The following PACS1 variants were observed in gnomAD, a reference collection of about 807,000 sequenced individuals.
PACS1 encodes the protein PACS-1.
In PACS1, 24 loss-of-function variants were observed where a neutral mutation model predicts 115.0. The observed-to-expected ratio is 0.21, with a 90% CI of 0.15 to 0.29. PACS1 has a LOEUF of 0.29. Among genes scored for constraint, PACS1 ranks in the 10% least tolerant of loss-of-function variants. The pLI, the probability that PACS1 is intolerant of heterozygous loss-of-function variation, is 1.00. For missense variants in PACS1, 838 were observed against 1,251.2 expected (o/e 0.67, Z 4.98); for synonymous variants, 453 against 504.5 (o/e 0.90, Z 1.37).
chr11:66,225,285 A>G (rs1337728686), intron 10 of PACS1, among the ~76,000 whole-genome samples: 2 of 152,186 alleles, frequency 1.3e-5, no homozygotes, highest in Non-Finnish European at 2.9e-5. Context: ...TGGGACCTCT[A>G]GTGATACCTC....
In PACS1 at chr11:66,244,574, T is replaced by A. The variant is rs1855883372; in HGVS notation, c.*1294T>A. 6.6e-6 allele frequency: 1 copy of A among 152,392 alleles called. No individual in the cohort carries two copies. Among genetic ancestry groups the A allele is most frequent in the East Asian group, 1.9e-4 (1 of 5,198 alleles). The allele number at this position is 152,392 out of a possible 1,614,324, so 9.4% of individuals were successfully genotyped here. On this transcript the variant is annotated 3_prime_UTR_variant, in exon 24 of 24. Coordinates refer to ENST00000320580, the MANE Select transcript of PACS1 (RefSeq NM_018026.4). ...GAAGTTTTTGCACAGAACTTCATTTTGAAAGTGTTTTTCTCATTCTCCATA... is the reference window on the plus strand; with the variant it reads ...GAAGTTTTTGCACAGAACTTCATTTAGAAAGTGTTTTTCTCATTCTCCATA...
At chr11:66,163,860 T>C (rs1859542773) in intron 1 of PACS1, among the ~76,000 whole-genome samples, 1 of 152,210 alleles carries the variant, frequency 6.6e-6, no homozygotes, top group Non-Finnish European at 1.5e-5. Flanking sequence ...CAGCTGATTA[T>C]ACAATGCTTT....
chr11:66,212,181 G>A (rs1855087036), intron 4 of PACS1, among the ~76,000 whole-genome samples: 1 of 151,512 alleles, frequency 6.6e-6, no homozygotes, highest in African/African-American at 2.4e-5. Context: ...CGCCAGGCTG[G>A]AGTGCAGTGG....
At chr11:66,096,384 TTC>T (rs1289999376) in intron 1 of PACS1, among the ~76,000 whole-genome samples, 1 of 151,858 alleles carries the variant, frequency 6.6e-6, no homozygotes, top group African/African-American at 2.4e-5. Context: ...TAGTAGTTCA[TTC>T]TTTTTTATTT....
At chr11:66,174,076 A>G (rs1859797544) in intron 1 of PACS1, among the ~76,000 whole-genome samples, 2 of 152,242 alleles carry the variant, frequency 1.3e-5, no homozygotes, top group African/African-American at 4.8e-5. Flanking sequence ...AAAGATTTGA[A>G]TAGAGATTTT....
At chr11:66,221,746 T>C (rs1855353905) in intron 10 of PACS1, 1 of 157,072 alleles carries the variant, frequency 6.4e-6, no homozygotes, top group Non-Finnish European at 1.4e-5. Context: ...TTTGGGGTCA[T>C]TGCTGTGTCA....
intron 2 of PACS1, among the ~76,000 whole-genome samples, chr11:66,200,032 CA>C (rs1301906199): frequency 8.0e-6 from 1 of 124,582 alleles, no homozygotes; most frequent in Non-Finnish European, 1.7e-5. Context: ...AAAACAAAAA[CA>C]AAAACAAAAC....
At chr11:66,238,017 C>T (rs921016996) in intron 19 of PACS1, 1 of 978,974 alleles carries the variant, frequency 1.0e-6, no homozygotes, top group African/African-American at 1.8e-5. Context: ...GGCCTGGGCC[C>T]AGGTGATAGG....
At chr11:66,170,518 T>C (rs1859710999) in intron 1 of PACS1, among the ~76,000 whole-genome samples, 1 of 150,542 alleles carries the variant, frequency 6.6e-6, no homozygotes, top group Non-Finnish European at 1.5e-5. Flanking sequence ...CATGAGTTCT[T>C]TACAGGGTTG....
rs533154765 is a variant in PACS1 at position 66,119,260 on chromosome 11, A to G, written c.356+48418A>G. Among the ~76,000 whole-genome samples the G allele has an allele frequency of 4.6e-5, 7 of 152,352 alleles. No individual in the cohort carries two copies. The South Asian group carries it at 1.2e-3, about 27-fold the overall frequency. On this transcript the variant is annotated intron_variant, in intron 1 of 23. Transcript: ENST00000320580. ...TATAGCTGAAAAACATCAAAAGAGT[A>G]GTAATATTTTGTGACATGTGAAAAT...
chr11:66,127,372 G>A (rs917301357), intron 1 of PACS1, among the ~76,000 whole-genome samples: 11 of 152,160 alleles, frequency 7.2e-5, no homozygotes, highest in Admixed American at 2.0e-4. Flanking sequence ...TGGGGAAGTG[G>A]AAAGGATCCT....
Position 66,235,500 on chromosome 11 carries a change from C to G in PACS1, c.2207+97C>G. On this transcript the variant is annotated intron_variant, in intron 18 of 23. Transcript: ENST00000320580. The surrounding 1 kb of genome is among the most constrained non-coding windows in gnomAD (Gnocchi z 5.6). The stretch of plus-strand genomic sequence containing the variant: ...TTCTCACATTTTCCTTCTCCACATG[C>G]TATATTCCTTCATAGGAACCCAAAA... 1.1e-6 allele frequency: 1 copy of G among 886,144 alleles called. No homozygotes were observed. The allele number at this position is 886,144 out of a possible 1,614,324, so 54.9% of individuals were successfully genotyped here.
intron 2 of PACS1, among the ~76,000 whole-genome samples, chr11:66,205,355 C>T (rs976579552): frequency 4.6e-5 from 7 of 151,622 alleles, no homozygotes; most frequent in African/African-American, 7.3e-5. Flanking sequence ...TGCAACAGGA[C>T]GATTACAGTC....
At chr11:66,220,335 T>C in intron 8 of PACS1, 1 of 396,876 alleles carries the variant, frequency 2.5e-6, no homozygotes, top group Non-Finnish European at 4.6e-6. Context: ...CTGTGAGCTG[T>C]AAGGAGGGTA....
intron 10 of PACS1, among the ~76,000 whole-genome samples, chr11:66,226,017 C>T: frequency 6.6e-6 from 1 of 152,098 alleles, no homozygotes; most frequent in Non-Finnish European, 1.5e-5. Context: ...ACCAAAAATA[C>T]AAAAATTAGG....
chr11:66,242,059 C>A (rs1427465753), intron 22 of PACS1, among the ~76,000 whole-genome samples: 2 of 152,180 alleles, frequency 1.3e-5, no homozygotes, highest in African/African-American at 4.8e-5. Context: ...TCCAAAGAGG[C>A]CTCATGAGCA....
At chr11:66,136,850 T>C (rs1377116591) in intron 1 of PACS1, among the ~76,000 whole-genome samples, 1 of 152,074 alleles carries the variant, frequency 6.6e-6, no homozygotes, top group Non-Finnish European at 1.5e-5. Context: ...AATGACTCAG[T>C]TTTTTCACTC....
intron 1 of PACS1, among the ~76,000 whole-genome samples, chr11:66,110,703 G>A (rs1464246449): frequency 1.3e-5 from 2 of 152,102 alleles, no homozygotes; most frequent in African/African-American, 2.4e-5. Context: ...CTGAGTACCT[G>A]AGACTCCAGG....
chr11:66,079,693 G>A (rs776533032), intron 1 of PACS1, among the ~76,000 whole-genome samples: 4 of 152,116 alleles, frequency 2.6e-5, no homozygotes, highest in South Asian at 4.1e-4. Context: ...GATATGTGCC[G>A]CAAGCAAAAT....
Sources: allele counts gnomAD v4.1 joint callset (sites outside exome capture counted in the v4.1 genomes callset), GRCh38; gene constraint gnomAD v4.1.1; non-coding constraint Gnocchi (gnomAD v3.1); transcripts MANE v1.5; gene names NCBI Gene and HGNC (gene_info 2026-07-23, HGNC 2026-07-21).